The following SGCZ variants were observed in gnomAD, a reference collection of about 807,000 sequenced individuals.
The protein encoded by SGCZ is sarcoglycan zeta.
In SGCZ, 40 loss-of-function variants were observed where a neutral mutation model predicts 41.3. The ratio of observed to expected loss-of-function variants is 0.97; its 90% CI spans 0.75 to 1.26. The LOEUF (loss-of-function observed/expected upper bound fraction) is 1.26, where lower values mean the gene tolerates loss of function less well. SGCZ is among the 50% of genes most tolerant of loss of function. SGCZ has a pLI of 0.00. For synonymous variants in SGCZ, 206 were observed against 137.5 expected (o/e 1.50, Z -3.49); for missense variants, 552 against 369.8 (o/e 1.49, Z -4.04).
At chr8:14,638,323 A>G (rs1364331858) in intron 1 of SGCZ, among the ~76,000 whole-genome samples, 1 of 151,882 alleles carries the variant, frequency 6.6e-6, no homozygotes, top group East Asian at 1.9e-4. Flanking sequence ...TTTTGAATGA[A>G]TGAACTAATT....
rs1803811079 is a variant in SGCZ, at chr8:14,551,460, T to TG, written c.234+3271_234+3272insC. 4.4e-4 allele frequency among the ~76,000 whole-genome samples: 3 copies of TG among 6,772 alleles called. 1 individual carries two copies. The highest frequency in any genetic ancestry group is 2.9e-3 in the Admixed American group (1 of 344). The allele number at this position is 6,772 out of a possible 152,430, so 4.4% of individuals were successfully genotyped here. On this transcript the variant is annotated intron_variant, in intron 2 of 7. Coordinates refer to ENST00000382080, the MANE Select transcript of SGCZ (RefSeq NM_139167.4). ...TCAACTATTTCATATATATATTATA[T>TG]ATATTATATATATTATATATTATAT... is the stretch of plus-strand genomic sequence containing the variant.
intron 1 of SGCZ, among the ~76,000 whole-genome samples, chr8:14,839,131 G>C (rs1272701867): frequency 6.6e-6 from 1 of 152,166 alleles, no homozygotes; most frequent in Non-Finnish European, 1.5e-5. Context: ...TAACACTCCA[G>C]CTGAGAATTG....
In SGCZ at chr8:14,191,944, T is replaced by C. The variant is rs539502583; in HGVS notation, c.425-27242A>G. Among the ~76,000 whole-genome samples, 13 of 152,230 alleles carry C rather than the reference T, an allele frequency of 8.5e-5. No homozygotes were observed. In the East Asian group the frequency reaches 2.5e-3, roughly 29 times the overall value. On this transcript the variant is annotated intron_variant, in intron 4 of 7. Transcript: ENST00000382080. ...AAAGTAAAATACTGATCCTTTTACC[T>C]GTAAATAAAGTATAGGAAAGCTCAA...
rs140107821 is a variant in SGCZ, at chr8:14,315,959, T to C, written c.336+8144A>G. ...ATGATATGTCTATGTAAAGGGAAAA[T>C]TTTGTACGAATACAAAATGTAACAA... On this transcript the variant is annotated intron_variant, in intron 3 of 7. Transcript: ENST00000382080. 7.3e-5 allele frequency among the ~76,000 whole-genome samples: 11 copies of C among 151,620 alleles called. 1 individual carries two copies. Among genetic ancestry groups the C allele is most frequent in the Admixed American group, 7.2e-4 (11 of 15,226 alleles).
At chr8:15,186,685 G>A (rs1449675225) in intron 1 of SGCZ, among the ~76,000 whole-genome samples, 1 of 152,170 alleles carries the variant, frequency 6.6e-6, no homozygotes, top group East Asian at 1.9e-4. Flanking sequence ...CAATCAATAA[G>A]TATTTATTGA....
At chr8:14,930,108 G>C (rs1325582456) in intron 1 of SGCZ, among the ~76,000 whole-genome samples, 3 of 151,882 alleles carry the variant, frequency 2.0e-5, no homozygotes, top group African/African-American at 7.3e-5. Flanking sequence ...ATATGATATT[G>C]TGAATTAAAT....
chr8:14,997,020 T>G (rs1802242332), intron 1 of SGCZ, among the ~76,000 whole-genome samples: 1 of 152,186 alleles, frequency 6.6e-6, no homozygotes, highest in African/African-American at 2.4e-5. Flanking sequence ...TGTTGTGGGA[T>G]TTCTCCTTTT....
At chr8:14,331,098 G>GA (rs967002532) in intron 2 of SGCZ, among the ~76,000 whole-genome samples, 2 of 151,494 alleles carry the variant, frequency 1.3e-5, no homozygotes, top group Admixed American at 1.3e-4. Context: ...TTTGTATGAG[G>GA]AAAAAATCTT....
chr8:15,210,562 A>G (rs1010012977), intron 1 of SGCZ, among the ~76,000 whole-genome samples: 4 of 151,992 alleles, frequency 2.6e-5, no homozygotes, highest in Non-Finnish European at 5.9e-5. Flanking sequence ...TTACCTCCCA[A>G]CAGCTGACTT....
At chr8:14,702,874 TAGATAGATAAAA>T (rs1809204932) in intron 1 of SGCZ, among the ~76,000 whole-genome samples, 1 of 126,990 alleles carries the variant, frequency 7.9e-6, no homozygotes, top group Admixed American at 8.0e-5. Flanking sequence ...GATAGATAGA[TAGATAGATAAAA>T]AGATAGATAG....
rs563537768 is a variant in SGCZ, at chr8:14,973,981, A to T, written c.39+263604T>A. On this transcript the variant is annotated intron_variant, in intron 1 of 7. Coordinates refer to ENST00000382080, the MANE Select transcript of SGCZ (RefSeq NM_139167.4). ...TTACAACAGGAAATGAATTAAAGAGACATATTTTCTGAGGGTGAAAACAAG... is the reference window on the plus strand; with the variant it reads ...TTACAACAGGAAATGAATTAAAGAGTCATATTTTCTGAGGGTGAAAACAAG... Among the ~76,000 whole-genome samples the T allele has an allele frequency of 3.3e-5, 5 of 152,296 alleles. No individual in the cohort carries two copies. In the South Asian group the frequency reaches 1.0e-3, roughly 32 times the overall value.
intron 5 of SGCZ, among the ~76,000 whole-genome samples, chr8:14,159,787 G>T (rs937427094): frequency 6.6e-6 from 1 of 152,114 alleles, no homozygotes; most frequent in Non-Finnish European, 1.5e-5. Flanking sequence ...CTAATAGAAA[G>T]GTTGAGTCCA....
intron 1 of SGCZ, among the ~76,000 whole-genome samples, chr8:15,088,571 G>T (rs962724935): frequency 6.7e-6 from 1 of 148,184 alleles, no homozygotes; most frequent in Non-Finnish European, 1.5e-5. Context: ...TTAAATAAAA[G>T]ATGCTCTCAT....
chr8:14,449,309 T>C (rs1449921520), intron 2 of SGCZ, among the ~76,000 whole-genome samples: 1 of 152,226 alleles, frequency 6.6e-6, no homozygotes, highest in Non-Finnish European at 1.5e-5. Context: ...ACTCCAGTAC[T>C]ATTTACTTGT....
At chr8:14,969,535 C>A (rs1273313445) in intron 1 of SGCZ, among the ~76,000 whole-genome samples, 1 of 151,968 alleles carries the variant, frequency 6.6e-6, no homozygotes, top group Non-Finnish European at 1.5e-5. Flanking sequence ...CCCCAGTCCC[C>A]AAGCTTAGCC....
intron 5 of SGCZ, among the ~76,000 whole-genome samples, chr8:14,110,885 C>G (rs1003021890): frequency 9.2e-5 from 14 of 151,964 alleles, no homozygotes; most frequent in African/African-American, 3.4e-4. Flanking sequence ...AAAATCCTCT[C>G]CTCTCTACTA....
chr8:14,817,972 G>A (rs374249269), intron 1 of SGCZ, among the ~76,000 whole-genome samples: 8 of 152,072 alleles, frequency 5.3e-5, no homozygotes, highest in South Asian at 2.1e-4. Flanking sequence ...GAGGCACCTC[G>A]CCCAGATATG....
chr8:15,099,633 C>T (rs1469463117), intron 1 of SGCZ, among the ~76,000 whole-genome samples: 1 of 152,110 alleles, frequency 6.6e-6, no homozygotes, highest in Admixed American at 6.6e-5. Flanking sequence ...CAGCATTACC[C>T]TAATACTAAA....
chr8:14,722,477 G>A (rs1045304590), intron 1 of SGCZ, among the ~76,000 whole-genome samples: 6 of 151,804 alleles, frequency 4.0e-5, no homozygotes, highest in African/African-American at 1.5e-4. Flanking sequence ...AAATATTGCA[G>A]GAATTTTCTT....
Sources: allele counts gnomAD v4.1 joint callset (sites outside exome capture counted in the v4.1 genomes callset), GRCh38; gene constraint gnomAD v4.1.1; transcripts MANE v1.5; gene names NCBI Gene and HGNC (gene_info 2026-07-23, HGNC 2026-07-21).